The following NLE1 variants were observed in gnomAD, a reference collection of about 807,000 sequenced individuals.
NLE1 encodes the protein notchless homolog 1.
Under a neutral mutation model 62.8 loss-of-function variants are expected in NLE1, and 37 were observed. The observed-to-expected ratio is 0.59, with a 90% confidence interval of 0.45 to 0.78. The LOEUF is 0.78. Among genes scored for constraint, NLE1 ranks in the 30% least tolerant of loss-of-function variants. The pLI, the probability that NLE1 is intolerant of heterozygous loss-of-function variation, is 0.00. For synonymous variants in NLE1, 243 were observed against 253.0 expected (o/e 0.96, Z 0.37); for missense variants, 555 against 637.9 (o/e 0.87, Z 1.40).
At chr17:35,139,674 C>T in intron 3 of NLE1, 175 bp downstream of exon 3, 2 of 885,824 alleles carry the variant, frequency 2.3e-6, no homozygotes, top group South Asian at 1.8e-5. Flanking sequence ...CTTAAGCAGC[C>T]TTTGGGGACC....
rs2091870908 is a variant in NLE1, at chr17:35,130,554, G to A, written c.*1883C>T. ...CTGCGGGCCCGGGGTCTGGCAGAGT[G>A]GTATGGGCACCCCACCCCTGGGCTG... On this transcript the variant is annotated 3_prime_UTR_variant, in exon 13 of 13. Coordinates refer to ENST00000442241, the MANE Select transcript of NLE1 (RefSeq NM_018096.5). The A allele has an allele frequency of 3.7e-6, 4 of 1,088,294 alleles. No individual in the cohort carries two copies. The highest frequency in any genetic ancestry group is 5.2e-6 in the Non-Finnish European group (4 of 773,136). The allele number at this position is 1,088,294 out of a possible 1,614,324, so 67.4% of individuals were successfully genotyped here.
chr17:35,130,076 C>T lies in NLE1; in HGVS notation c.*2361G>A. 7.1e-7 allele frequency: 1 copy of T among 1,417,794 alleles called. No homozygotes were observed. The allele number at this position is 1,417,794 out of a possible 1,614,324, so 87.8% of individuals were successfully genotyped here. A position where few individuals can be genotyped will look rare whatever the true frequency, so the allele number is the denominator to read the frequency against. ...GGTATAGAGGCCTGAGTACAGACAGCCCTTTGGTTGGAAATATCCCATAAT... is the reference window on the plus strand; with the variant it reads ...GGTATAGAGGCCTGAGTACAGACAGTCCTTTGGTTGGAAATATCCCATAAT... On this transcript the variant is annotated 3_prime_UTR_variant, in exon 13 of 13. Coordinates refer to ENST00000442241, the MANE Select transcript of NLE1 (RefSeq NM_018096.5).
chr17:35,137,928 C>G (rs755076565), intron 4 of NLE1, 38 bp from the exon 5 acceptor site: 2 of 1,521,906 alleles, frequency 1.3e-6, no homozygotes, highest in Admixed American at 3.4e-5. Context: ...GGGACTACAT[C>G]TGTCTTTATC....
In NLE1 at chr17:35,134,820, G is replaced by C; in HGVS notation, c.1214+429C>G. ...TAATCCCAGCACTTTGGGAGGCCGA[G>C]GCAGTTGGATCACTTGAGCTCAGGA... On this transcript the variant is annotated intron_variant, in intron 10 of 12. Coordinates refer to ENST00000442241, the MANE Select transcript of NLE1 (RefSeq NM_018096.5). 1.7e-5 allele frequency: 6 copies of C among 351,722 alleles called. 1 individual carries two copies. The highest frequency in any genetic ancestry group is 1.3e-4 in the South Asian group (6 of 46,782). 21.8% of individuals were successfully genotyped at this position (351,722 alleles called of 1,614,324 possible).
intron 10 of NLE1, 79 bp from the exon 11 acceptor site, chr17:35,133,577 G>A: frequency 7.3e-6 from 10 of 1,366,658 alleles, no homozygotes; most frequent in South Asian, 1.3e-5. Flanking sequence ...CTACGCTCAT[G>A]GCAGTGGTTC....
At chr17:35,139,184 C>G in intron 4 of NLE1, 51 bp downstream of exon 4, 1 of 1,508,314 alleles carries the variant, frequency 6.6e-7, no homozygotes, top group Admixed American at 1.7e-5. Context: ...CAGAGCAAGA[C>G]CTTGTCTCAA....
Position 35,130,775 on chromosome 17 carries a change from G to A in NLE1, c.*1662C>T, listed in dbSNP as rs2091872176. ...TGCTGCAGACAGCCTCAGATGGGCTGGCTGGCACCCACCTCCTAGCTTCCA... is the reference window on the plus strand; with the variant it reads ...TGCTGCAGACAGCCTCAGATGGGCTAGCTGGCACCCACCTCCTAGCTTCCA... On this transcript the variant is annotated 3_prime_UTR_variant, in exon 13 of 13. Transcript: ENST00000442241. 4.3e-6 allele frequency: 1 copy of A among 230,186 alleles called. No individual in the cohort carries two copies. The highest frequency in any genetic ancestry group is 5.1e-5 in the Admixed American group (1 of 19,556). 14.3% of individuals were successfully genotyped at this position (230,186 alleles called of 1,614,324 possible). A position where few individuals can be genotyped will look rare whatever the true frequency, so the allele number is the denominator to read the frequency against.
intron 4 of NLE1, 144 bp from the exon 5 acceptor site, chr17:35,138,034 A>G: frequency 1.6e-6 from 1 of 622,714 alleles, no homozygotes. Context: ...CTTTCTGGGG[A>G]TGGATAGAAT....
In NLE1 at chr17:35,130,289, C is replaced by A. The variant is rs754801014; in HGVS notation, c.*2148G>T. ...TTTCTTGTTTCACTTCAGTTTGCAA[C>A]CCTGGCCACTGACTTCAGCAGCTTT... On this transcript the variant is annotated 3_prime_UTR_variant, in exon 13 of 13. Coordinates refer to ENST00000442241, the MANE Select transcript of NLE1 (RefSeq NM_018096.5). The A allele has an allele frequency of 4.3e-6, 7 of 1,613,814 alleles. No individual in the cohort carries two copies. Among genetic ancestry groups the A allele is most frequent in the Middle Eastern group, 3.3e-4 (2 of 6,052 alleles).
At chr17:35,135,554 G>C in intron 9 of NLE1, 103 bp from the exon 10 acceptor site, 2 of 1,016,912 alleles carry the variant, frequency 2.0e-6, no homozygotes, top group Non-Finnish European at 2.9e-6. Context: ...CAATGCCAGG[G>C]ACAGAGAGAG....
rs1308281881 is a variant in NLE1, at chr17:35,142,084, C to T, written c.57G>A (p.Val19=). The T allele has an allele frequency of 6.2e-7, 1 of 1,612,598 alleles. No homozygotes were observed. The highest frequency in any genetic ancestry group is 1.7e-5 in the Admixed American group (1 of 60,018). The change falls in exon 2 of 13, where the codon GTG becomes GTA. Residue 19 remains valine, a synonymous_variant. Coordinates refer to ENST00000442241, the MANE Select transcript of NLE1 (RefSeq NM_018096.5). ...GCTGCCCGCCCTCATCCTGGAACTG[C>T]ACTAGCAACCGCTGCACATCGCGCG... is the stretch of plus-strand genomic sequence containing the variant. The part of the protein sequence containing the change: ...AVARDVQRLL[V]QFQDEGGQLL...
chr17:35,141,694 G>A (rs1055261205), intron 2 of NLE1, among the ~76,000 whole-genome samples: 1 of 152,210 alleles, frequency 6.6e-6, no homozygotes, highest in African/African-American at 2.4e-5. Flanking sequence ...GCTGTAAAAT[G>A]GGGATATTAA....
Position 35,133,437 on chromosome 17 carries a change from T to C in NLE1, c.1276A>G (p.Ser426Gly). Residue 426 changes from serine (S) to glycine (G), a missense_variant, in exon 11 of 13, where the codon AGT becomes GGT. By Grantham distance (56) the Ser-to-Gly change is moderately conservative. Transcript: ENST00000442241. ...CTGCTGCCGCTGACCAGGAGCCGAC[T>C]GTCAGCTGACCACGCAATCTGGTAC... ...AVYQIAWSAD[S>G]RLLVSGSSDS... 6.2e-7 allele frequency: 1 copy of C among 1,614,130 alleles called. No homozygotes were observed. The highest frequency in any genetic ancestry group is 8.5e-7 in the Non-Finnish European group (1 of 1,180,016).
At chr17:35,135,592 C>T in intron 9 of NLE1, 141 bp from the exon 10 acceptor site, 1 of 704,160 alleles carries the variant, frequency 1.4e-6, no homozygotes, top group Admixed American at 2.7e-5. Flanking sequence ...TGAGGACTGG[C>T]TTGGCCACTC....
chr17:35,142,169 A>G (rs1319584281), intron 1 of NLE1, 47 bp from the exon 2 acceptor site: 1 of 1,604,480 alleles, frequency 6.2e-7, no homozygotes, highest in East Asian at 2.2e-5. Flanking sequence ...CCCGCCCAGA[A>G]GGGCCCCACT....
intron 10 of NLE1, 34 bp downstream of exon 10, chr17:35,135,215 T>C: frequency 6.2e-7 from 1 of 1,605,106 alleles, no homozygotes; most frequent in Non-Finnish European, 8.5e-7. Context: ...CACCATTCAC[T>C]CCTTACAGAG....
Position 35,137,926 on chromosome 17 carries a change from A to C in NLE1, c.461-36T>G, listed in dbSNP as rs754262617. ...AGAGGAGGGAGAAATAAGGGACTAC[A>C]TCTGTCTTTATCCCAAGTGCCCAGC... On this transcript the variant is annotated intron_variant, in intron 4 of 12. Transcript: ENST00000442241. The C allele has an allele frequency of 1.5e-5, 22 of 1,516,376 alleles. No homozygotes were observed. In the East Asian group the frequency reaches 4.3e-4, roughly 30 times the overall value. 93.9% of individuals were successfully genotyped at this position (1,516,376 alleles called of 1,614,324 possible).
In NLE1 at chr17:35,139,987, G is replaced by T. The variant is rs1013907063; in HGVS notation, c.242C>A (p.Ala81Glu). The change falls in exon 3 of 13, where the codon GCA becomes GAA. Residue 81 changes from alanine (A) to glutamate (E), a missense_variant. Coordinates refer to ENST00000442241, the MANE Select transcript of NLE1 (RefSeq NM_018096.5). Reference protein sequence around the residue: ...SSLGKTLESQAVETEKVLDII... With the variant: ...SSLGKTLESQEVETEKVLDII... ...GTCTAGGACCTTCTCTGTCTCCACTGCCTGGGACTCCAACGTCTTCCCCAG... is the reference window on the plus strand; with the variant it reads ...GTCTAGGACCTTCTCTGTCTCCACTTCCTGGGACTCCAACGTCTTCCCCAG... 8 of 1,614,028 alleles carry T rather than the reference G, an allele frequency of 5.0e-6. No individual in the cohort carries two copies. In the African/African-American group the frequency reaches 1.1e-4, roughly 22 times the overall value.
At chr17:35,140,876 C>G (rs528199104) in intron 2 of NLE1, among the ~76,000 whole-genome samples, 8 of 152,336 alleles carry the variant, frequency 5.3e-5, no homozygotes, top group African/African-American at 1.9e-4. Flanking sequence ...AGGCATAAGC[C>G]ACTGCACCCG....
Sources: gnomAD v4.1 joint callset for allele counts (sites outside exome capture counted in the v4.1 genomes callset) on GRCh38, gnomAD v4.1.1 for gene constraint, MANE v1.5 for transcripts, NCBI Gene and HGNC (gene_info 2026-07-23, HGNC 2026-07-21) for gene names.